Variants in RANBP2 observed in about 807,000 individuals in gnomAD.
The protein encoded by RANBP2 is RAN binding protein 2, also known as E3 SUMO-protein ligase RanBP2.
RANBP2 carries 57 observed loss-of-function variants against 303.6 expected under a neutral mutation model. That is an observed-to-expected ratio of 0.19 (90% CI 0.15 to 0.23). The LOEUF is 0.23. RANBP2 is among the 10% of genes least tolerant of loss of function. RANBP2 has a pLI of 1.00. For missense variants in RANBP2, 3,138 were observed against 3,780.8 expected, an observed-to-expected ratio of 0.83 and a Z score of 4.46; for synonymous variants, 1,167 against 1,301.5, an observed-to-expected ratio of 0.90 and a Z score of 2.23.
At chr2:109,146,588 C>T in the RANBP2 span, among the ~76,000 whole-genome samples, 3 of 152,122 alleles carry the variant, frequency 2.0e-5, no homozygotes, top group Admixed American at 6.5e-5. Context: ...CCCAGCACCA[C>T]CTTCAGGCCC....
At chr2:109,096,704 A>AT in the RANBP2 span, among the ~76,000 whole-genome samples, 50 of 151,104 alleles carry the variant, frequency 3.3e-4, no homozygotes, top group East Asian at 2.3e-3. Context: ...TTGAACTAAT[A>AT]TTTTTTTTGC....
the RANBP2 span, among the ~76,000 whole-genome samples, chr2:109,000,138 T>C: frequency 2.0e-5 from 3 of 152,172 alleles, no homozygotes; most frequent in African/African-American, 4.8e-5. Flanking sequence ...GTTCAACCTA[T>C]TGGGAATTAG....
the RANBP2 span, among the ~76,000 whole-genome samples, chr2:109,596,662 T>C: frequency 0.15 from 22,700 of 152,078 alleles, 2,235 homozygotes; most frequent in Non-Finnish European, 0.22. Context: ...TATACTCATT[T>C]GCCATTAAAC....
At chr2:109,388,179 C>CT in the RANBP2 span, among the ~76,000 whole-genome samples, 1 of 152,196 alleles carries the variant, frequency 6.6e-6, no homozygotes, top group African/African-American at 2.4e-5. Context: ...GGTTGAAATA[C>CT]TTTGTCACTT....
At chr2:109,578,389 C>G in the RANBP2 span, among the ~76,000 whole-genome samples, 3 of 152,154 alleles carry the variant, frequency 2.0e-5, no homozygotes, top group Non-Finnish European at 4.4e-5. Flanking sequence ...GACATGGAAG[C>G]ATTACAAGAG....
At chr2:109,284,295 G>C in the RANBP2 span, among the ~76,000 whole-genome samples, 1 of 152,210 alleles carries the variant, frequency 6.6e-6, no homozygotes, top group Non-Finnish European at 1.5e-5. Flanking sequence ...TAGTAGCCAT[G>C]AGTATTACTG....
chr2:109,303,938 C>T, the RANBP2 span, among the ~76,000 whole-genome samples: 2 of 151,996 alleles, frequency 1.3e-5, no homozygotes, highest in African/African-American at 2.4e-5. Flanking sequence ...CCCGTCTCTA[C>T]TGAAAATACA....
the RANBP2 span, among the ~76,000 whole-genome samples, chr2:109,272,793 C>G: frequency 6.6e-6 from 1 of 152,180 alleles, no homozygotes; most frequent in African/African-American, 2.4e-5. Context: ...TTAAACAGCC[C>G]CCGGTACTGC....
At chr2:109,381,106 C>T in the RANBP2 span, among the ~76,000 whole-genome samples, 1 of 152,232 alleles carries the variant, frequency 6.6e-6, no homozygotes, top group African/African-American at 2.4e-5. Flanking sequence ...AGTGCAGAGC[C>T]TTGTCCTGGT....
chr2:109,012,297 G>T, the RANBP2 span, among the ~76,000 whole-genome samples: 1 of 152,178 alleles, frequency 6.6e-6, no homozygotes, highest in Non-Finnish European at 1.5e-5. Context: ...AGAGCTGCCT[G>T]GGAGGAAAGG....
the RANBP2 span, chr2:108,912,658 T>C: frequency 3.2e-6 from 5 of 1,567,404 alleles, no homozygotes; most frequent in Non-Finnish European, 2.6e-6. Context: ...AGGTGATCGA[T>C]ACCTGAGCAC....
chr2:109,268,512 G>T, the RANBP2 span, among the ~76,000 whole-genome samples: 1 of 152,184 alleles, frequency 6.6e-6, no homozygotes, highest in Non-Finnish European at 1.5e-5. Context: ...CCTCTGTCCA[G>T]CAGGAGCCTG....
intron 9 of RANBP2, among the ~76,000 whole-genome samples, chr2:108,749,680 C>G (rs370179252): frequency 6.6e-6 from 1 of 152,210 alleles, no homozygotes; most frequent in Non-Finnish European, 1.5e-5. Flanking sequence ...ATACCTTGAA[C>G]TTCTGGGCTC....
At chr2:108,869,499 G>A in the RANBP2 span, among the ~76,000 whole-genome samples, 1 of 152,114 alleles carries the variant, frequency 6.6e-6, no homozygotes, top group Non-Finnish European at 1.5e-5. Context: ...TGAATCTCAG[G>A]AAGAAGGCCA....
the RANBP2 span, among the ~76,000 whole-genome samples, chr2:109,645,292 C>T: frequency 2.0e-5 from 3 of 152,182 alleles, no homozygotes; most frequent in Non-Finnish European, 4.4e-5. Context: ...CCACTTAGTA[C>T]GTAAATTCAG....
At chr2:109,275,750 C>T in the RANBP2 span, among the ~76,000 whole-genome samples, 6 of 152,216 alleles carry the variant, frequency 3.9e-5, no homozygotes, top group South Asian at 2.1e-4. Flanking sequence ...CCCGGACAGC[C>T]GCACCTGCTT....
rs1400225098 is a variant in RANBP2, at chr2:108,764,394, C to G, written c.3855C>G (p.Phe1285Leu). ...LPKPEQLAIRFKTPEEAALFK... is the reference protein window; with the variant it reads ...LPKPEQLAIRLKTPEEAALFK... ...AACCAGAACAACTTGCTATTAGGTT[C>G]AAAACTCCTGAGGAAGCAGCACTTT... The change falls in exon 20 of 29, where the codon TTC becomes TTG. Residue 1285 changes from phenylalanine (F) to leucine (L), a missense_variant. This residue lies in a region of RANBP2 where 72 missense variants were observed against 119.5 expected (regional missense o/e 0.60). Transcript: ENST00000283195. 2 of 1,613,806 alleles carry G rather than the reference C, an allele frequency of 1.2e-6. No homozygotes were observed. The highest frequency in any genetic ancestry group is 1.7e-6 in the Non-Finnish European group (2 of 1,179,956).
chr2:108,928,546 C>A, the RANBP2 span, among the ~76,000 whole-genome samples: 2 of 152,202 alleles, frequency 1.3e-5, no homozygotes, highest in Non-Finnish European at 2.9e-5. Flanking sequence ...TATCTTTAGT[C>A]TCTATTTGTA....
chr2:109,307,876 G>A, the RANBP2 span, among the ~76,000 whole-genome samples: 7,429 of 95,296 alleles, frequency 0.078, 170 homozygotes, highest in African/African-American at 0.17. Context: ...TAATGCCGCA[G>A]TAAACATACG....
Sources: gnomAD v4.1 joint callset for allele counts (sites outside exome capture counted in the v4.1 genomes callset) on GRCh38, gnomAD v4.1.1 for gene constraint, gnomAD v4.1.1 regional missense constraint, MANE v1.5 for transcripts, NCBI Gene and HGNC (gene_info 2026-07-23, HGNC 2026-07-21) for gene names.